The following DPY19L1 variants were observed in gnomAD, a reference collection of about 807,000 sequenced individuals.
DPY19L1 encodes the protein dpy-19 like C-mannosyltransferase 1.
DPY19L1 carries 35 observed loss-of-function variants against 96.9 expected under a neutral mutation model. The observed-to-expected ratio is 0.36, with a 90% confidence interval of 0.28 to 0.48. The LOEUF is 0.48. Ranked by LOEUF, DPY19L1 falls within the 20% of genes least tolerant of loss-of-function variation. The probability of loss-of-function intolerance (pLI) is 0.99; values close to 1 mark genes in which losing one functional copy is unlikely to be tolerated. For synonymous variants in DPY19L1, 205 were observed against 252.6 expected (o/e 0.81, Z 1.79); for missense variants, 521 against 777.9 (o/e 0.67, Z 3.93).
At chr7:35,024,083 G>A (rs1023494550) in intron 1 of DPY19L1, among the ~76,000 whole-genome samples, 2 of 151,924 alleles carry the variant, frequency 1.3e-5, no homozygotes, top group Non-Finnish European at 2.9e-5. Context: ...TGATCCCCCC[G>A]CCTCAGCCTC....
At position 34,959,941 on chromosome 7, in the gene DPY19L1, A is replaced by ATG. The variant is rs1784468139; in HGVS notation, c.1093-1872_1093-1871insCA. 7.7e-5 allele frequency among the ~76,000 whole-genome samples: 11 copies of ATG among 143,552 alleles called. No homozygotes were observed. In the South Asian group the frequency reaches 2.2e-3, roughly 28 times the overall value. 94.2% of individuals were successfully genotyped at this position (143,552 alleles called of 152,430 possible). A position where few individuals can be genotyped will look rare whatever the true frequency, so the allele number is the denominator to read the frequency against. ...TATATATATTTATATATATATATAT[A>ATG]TATATAAAAGAACCTAGCCCCTTAT... On this transcript the variant is annotated intron_variant, in intron 10 of 21. Transcript: ENST00000638088.
At chr7:34,970,690 G>A (rs984331910) in intron 8 of DPY19L1, among the ~76,000 whole-genome samples, 102 of 152,226 alleles carry the variant, frequency 6.7e-4, no homozygotes, top group African/African-American at 2.3e-3. Context: ...GAGACATTAA[G>A]ATTTCCAAGC....
At chr7:35,035,153 A>T (rs1175830220) in intron 1 of DPY19L1, among the ~76,000 whole-genome samples, 1 of 152,214 alleles carries the variant, frequency 6.6e-6, no homozygotes, top group Admixed American at 6.5e-5. Flanking sequence ...CCTCATGCAG[A>T]GGGTTAACAA....
At chr7:34,932,257 A>G (rs1356384371) in intron 21 of DPY19L1, among the ~76,000 whole-genome samples, 1 of 152,216 alleles carries the variant, frequency 6.6e-6, no homozygotes, top group Non-Finnish European at 1.5e-5. Flanking sequence ...ACAATGGGGT[A>G]TGTTCCAATA....
At chr7:34,962,624 G>A (rs1784523870) in intron 10 of DPY19L1, among the ~76,000 whole-genome samples, 1 of 152,120 alleles carries the variant, frequency 6.6e-6, no homozygotes, top group African/African-American at 2.4e-5. Flanking sequence ...TTGAGCCCAG[G>A]AGGTCAAGGC....
At chr7:35,017,041 T>C (rs1785866904) in intron 3 of DPY19L1, among the ~76,000 whole-genome samples, 1 of 151,896 alleles carries the variant, frequency 6.6e-6, no homozygotes, top group Non-Finnish European at 1.5e-5. Context: ...GGCATTTAAA[T>C]ACTGATTTCT....
Position 34,929,215 on chromosome 7 carries a change from T to C in DPY19L1, c.*2358A>G, listed in dbSNP as rs1371244201. The C allele has an allele frequency of 6.6e-6, 1 of 152,254 alleles. No homozygotes were observed. The highest frequency in any genetic ancestry group is 1.9e-4 in the East Asian group (1 of 5,204). The allele number at this position is 152,254 out of a possible 1,614,324, so 9.4% of individuals were successfully genotyped here. A position where few individuals can be genotyped will look rare whatever the true frequency, so the allele number is the denominator to read the frequency against. On this transcript the variant is annotated 3_prime_UTR_variant, in exon 22 of 22. Transcript: ENST00000638088. ...CAATATGCAAAACACTGAGCTTTAATACTGTTTTGTACGCCTATGGAACCT... is the reference window on the plus strand; with the variant it reads ...CAATATGCAAAACACTGAGCTTTAACACTGTTTTGTACGCCTATGGAACCT...
At chr7:34,955,517 T>C in intron 11 of DPY19L1, 150 bp from the exon 12 acceptor site, 1 of 1,027,608 alleles carries the variant, frequency 9.7e-7, no homozygotes, top group South Asian at 1.7e-5. Flanking sequence ...TGCTCATTTC[T>C]AGAGTCAGTG....
intron 7 of DPY19L1, among the ~76,000 whole-genome samples, chr7:34,982,767 C>T (rs1182094579): frequency 6.6e-6 from 1 of 152,174 alleles, no homozygotes; most frequent in East Asian, 1.9e-4. Flanking sequence ...CCACCCCTCC[C>T]CCAACCTGGG....
chr7:34,953,727 TAA>T (rs1405129369), intron 13 of DPY19L1, among the ~76,000 whole-genome samples: 3 of 18,350 alleles, frequency 1.6e-4, no homozygotes, highest in African/African-American at 1.3e-3. Flanking sequence ...AATGAATGAA[TAA>T]ATACATTTTC....
rs1786449454 is a variant in DPY19L1 at position 35,037,264 on chromosome 7, G to T, written c.131C>A (p.Pro44His). The change falls in exon 1 of 22, where the codon CCC becomes CAC. Residue 44 changes from proline to histidine, a missense_variant. Pro to His is a moderately conservative substitution (Grantham distance 77). Transcript: ENST00000638088. ...GAGEPGPERAPLSPGRKGAAG... is the reference protein window; with the variant it reads ...GAGEPGPERAHLSPGRKGAAG... ...GGCGCCCTTGCGCCCCGGGGACAGG[G>T]GCGCGCGCTCGGGCCCCGGCTCCCC... 3.2e-6 allele frequency: 1 copy of T among 309,318 alleles called. No individual in the cohort carries two copies. The highest frequency in any genetic ancestry group is 2.2e-5 in the African/African-American group (1 of 44,774). 19.2% of individuals were successfully genotyped at this position (309,318 alleles called of 1,614,324 possible). A position where few individuals can be genotyped will look rare whatever the true frequency, so the allele number is the denominator to read the frequency against.
chr7:34,949,038 T>C lies in DPY19L1; in HGVS notation c.1422+759A>G, dbSNP rs1365897. ...GTATTGTTGGCCAGTTTCATATACA[T>C]ACACATACCACTCTGAAGGAGTGAC... On this transcript the variant is annotated intron_variant, in intron 14 of 21. Transcript: ENST00000638088. Among the ~76,000 whole-genome samples the C allele has an allele frequency of 3.8e-3, 578 of 152,188 alleles. 3 individuals are homozygous for C. Among genetic ancestry groups the C allele is most frequent in the African/African-American group, 0.011 (470 of 41,498 alleles).
intron 6 of DPY19L1, chr7:35,000,365 C>T (rs1785396991): frequency 1.3e-5 from 2 of 152,110 alleles, no homozygotes; most frequent in South Asian, 2.1e-4. Context: ...CCAGATCATG[C>T]GAAGGTATGG....
At chr7:35,024,878 C>G (rs1786085288) in intron 1 of DPY19L1, among the ~76,000 whole-genome samples, 1 of 152,174 alleles carries the variant, frequency 6.6e-6, no homozygotes, top group Non-Finnish European at 1.5e-5. Flanking sequence ...TATAATTCAT[C>G]TTTACACTAC....
At chr7:34,978,874 T>C (rs1392330743) in intron 7 of DPY19L1, among the ~76,000 whole-genome samples, 3 of 152,066 alleles carry the variant, frequency 2.0e-5, no homozygotes, top group Admixed American at 6.6e-5. Context: ...GTTTTGGACT[T>C]TTTGAGTATT....
At chr7:35,018,729 C>T (rs1218171706) in intron 1 of DPY19L1, 133 bp from the exon 2 acceptor site, 48 of 741,888 alleles carry the variant, frequency 6.5e-5, no homozygotes, top group Non-Finnish European at 9.3e-5. Context: ...AAAAAAGTCC[C>T]AGGGCTACGT....
At chr7:35,028,607 G>T (rs1786184585) in intron 1 of DPY19L1, among the ~76,000 whole-genome samples, 1 of 152,168 alleles carries the variant, frequency 6.6e-6, no homozygotes, top group African/African-American at 2.4e-5. Context: ...ACAAGACAGA[G>T]TTCTTAGATC....
At chr7:34,943,148 A>G (rs1391117745) in intron 16 of DPY19L1, among the ~76,000 whole-genome samples, 11 of 152,222 alleles carry the variant, frequency 7.2e-5, no homozygotes. Context: ...AACATTTTTA[A>G]TGAATGAACA....
chr7:34,971,770 A>C (rs1442686890), intron 8 of DPY19L1, among the ~76,000 whole-genome samples: 1 of 152,182 alleles, frequency 6.6e-6, no homozygotes, highest in African/African-American at 2.4e-5. Context: ...AACCCAACAG[A>C]AGGCAGCTCT....
Sources: allele counts gnomAD v4.1 joint callset (sites outside exome capture counted in the v4.1 genomes callset), GRCh38; gene constraint gnomAD v4.1.1; transcripts MANE v1.5; gene names NCBI Gene and HGNC (gene_info 2026-07-23, HGNC 2026-07-21).